Variants in LINGO2 observed in about 807,000 individuals in gnomAD.
LINGO2 encodes the protein leucine rich repeat and Ig domain containing 2.
A neutral mutation model predicts 30.6 loss-of-function variants in LINGO2; 14 were observed. The observed-to-expected ratio is 0.46, with a 90% CI of 0.30 to 0.72. The LOEUF is 0.72. LINGO2 is among the 30% of genes least tolerant of loss of function. The pLI is 0.07. For synonymous variants in LINGO2, 317 were observed against 288.5 expected (o/e 1.10, Z -1.00); for missense variants, 729 against 751.7 (o/e 0.97, Z 0.35).
At chr9:28,674,781 A>G (rs1829153726), upstream of LINGO2, among the ~76,000 whole-genome samples, 1 of 152,194 alleles carries the variant, frequency 6.6e-6, no homozygotes, top group Non-Finnish European at 1.5e-5. Context: ...AGAACTCATC[A>G]TGGTCAAAAG....
intron 4 of LINGO2, among the ~76,000 whole-genome samples, chr9:28,031,628 C>T (rs1823676544): frequency 6.6e-6 from 1 of 152,130 alleles, no homozygotes; most frequent in Non-Finnish European, 1.5e-5. Context: ...GTGTCTGCCA[C>T]ACAACATTGG....
At chr9:29,143,341 A>G in the LINGO2 span, among the ~76,000 whole-genome samples, 4 of 152,144 alleles carry the variant, frequency 2.6e-5, no homozygotes, top group Non-Finnish European at 2.9e-5. Flanking sequence ...TTGAACCAGA[A>G]AGATTCCAAA....
At chr9:28,042,324 C>T (rs879235629) in intron 4 of LINGO2, among the ~76,000 whole-genome samples, 1 of 152,126 alleles carries the variant, frequency 6.6e-6, no homozygotes, top group South Asian at 2.1e-4. Context: ...TTTTGCTCTA[C>T]CCTGAGGAAA....
chr9:28,197,109 A>G (rs1820041719), intron 4 of LINGO2, among the ~76,000 whole-genome samples: 1 of 152,020 alleles, frequency 6.6e-6, no homozygotes, highest in Admixed American at 6.6e-5. Context: ...ATTTCTTCCA[A>G]TTACCCTGAT....
intron 3 of LINGO2, among the ~76,000 whole-genome samples, chr9:28,371,385 G>A (rs986162381): frequency 6.6e-6 from 1 of 152,200 alleles, no homozygotes; most frequent in African/African-American, 2.4e-5. Flanking sequence ...CCAAGATCAA[G>A]GTACAGGCAG....
chr9:28,277,837 C>CAAAAAAAAAAAACAAAAAA (rs1823176251), intron 4 of LINGO2, among the ~76,000 whole-genome samples: 3 of 108,012 alleles, frequency 2.8e-5, no homozygotes, highest in African/African-American at 1.1e-4. Flanking sequence ...CAAAACAAAA[C>CAAAAAAAAAAAACAAAAAA]AAAAAAAAAA....
At chr9:28,795,680 T>C in the LINGO2 span, among the ~76,000 whole-genome samples, 1 of 152,098 alleles carries the variant, frequency 6.6e-6, no homozygotes, top group Non-Finnish European at 1.5e-5. Flanking sequence ...ATCCATATTG[T>C]GGAACATGTT....
chr9:28,850,908 G>A, the LINGO2 span, among the ~76,000 whole-genome samples: 1 of 151,972 alleles, frequency 6.6e-6, no homozygotes, highest in African/African-American at 2.4e-5. Flanking sequence ...ATACAGGTTT[G>A]ACTTTGTCCT....
chr9:28,023,302 T>A (rs951873116), intron 4 of LINGO2, among the ~76,000 whole-genome samples: 1 of 152,208 alleles, frequency 6.6e-6, no homozygotes, highest in African/African-American at 2.4e-5. Flanking sequence ...AGTTTAATGT[T>A]TATCTGGCTA....
intron 1 of LINGO2, among the ~76,000 whole-genome samples, chr9:28,486,027 C>T (rs533526972): frequency 3.9e-5 from 6 of 152,142 alleles, no homozygotes; most frequent in Non-Finnish European, 8.8e-5. Flanking sequence ...GGTGACACAG[C>T]TTGGAATGAC....
At chr9:28,785,802 A>C in the LINGO2 span, among the ~76,000 whole-genome samples, 2 of 152,196 alleles carry the variant, frequency 1.3e-5, no homozygotes, top group African/African-American at 2.4e-5. Context: ...AAGGCTTATC[A>C]TCTTGGCAAT....
At chr9:29,154,687 T>G in the LINGO2 span, among the ~76,000 whole-genome samples, 1 of 152,166 alleles carries the variant, frequency 6.6e-6, no homozygotes, top group Admixed American at 6.5e-5. Flanking sequence ...AAAACAAATA[T>G]ACATGCATTT....
the LINGO2 span, among the ~76,000 whole-genome samples, chr9:28,959,131 C>T: frequency 6.6e-6 from 1 of 152,022 alleles, no homozygotes; most frequent in Non-Finnish European, 1.5e-5. Flanking sequence ...CCTCAAGTTG[C>T]CAAGGTCTGC....
intron 1 of LINGO2, among the ~76,000 whole-genome samples, chr9:28,603,791 G>T (rs1825589887): frequency 6.6e-6 from 1 of 151,950 alleles, no homozygotes; most frequent in African/African-American, 2.4e-5. Context: ...TTATTCTTTG[G>T]CATAGTTCCT....
At chr9:28,827,820 A>G in the LINGO2 span, among the ~76,000 whole-genome samples, 1 of 152,168 alleles carries the variant, frequency 6.6e-6, no homozygotes, top group Non-Finnish European at 1.5e-5. Context: ...GATAATGGAA[A>G]TGGCAAGACT....
chr9:27,969,234 G>C (rs564343208), intron 5 of LINGO2, among the ~76,000 whole-genome samples: 1 of 152,062 alleles, frequency 6.6e-6, no homozygotes, highest in East Asian at 1.9e-4. Context: ...AGTCATTTCA[G>C]GCTTTAACTT....
At chr9:27,990,470 C>CA (rs77923539) in intron 5 of LINGO2, among the ~76,000 whole-genome samples, 2 of 146,830 alleles carry the variant, frequency 1.4e-5, no homozygotes, top group African/African-American at 5.0e-5. Context: ...ATACCCCCCC[C>CA]CCTTTTATTT....
intron 1 of LINGO2, among the ~76,000 whole-genome samples, chr9:28,510,435 T>A (rs1202380285): frequency 3.9e-5 from 6 of 152,164 alleles, no homozygotes; most frequent in Non-Finnish European, 8.8e-5. Flanking sequence ...ATGCATTTAC[T>A]ATTCATTAAG....
At chr9:29,046,050 T>TA in the LINGO2 span, among the ~76,000 whole-genome samples, 11 of 152,154 alleles carry the variant, frequency 7.2e-5, no homozygotes, top group African/African-American at 2.7e-4. Context: ...AACTATAGGG[T>TA]ATTCTAGATA....
Sources: gnomAD v4.1 joint callset for allele counts (sites outside exome capture counted in the v4.1 genomes callset) on GRCh38, gnomAD v4.1.1 for gene constraint, MANE v1.5 for transcripts, NCBI Gene and HGNC (gene_info 2026-07-23, HGNC 2026-07-21) for gene names.